The following MAB21L3 variants were observed in gnomAD, a reference collection of about 807,000 sequenced individuals.
MAB21L3 encodes the protein mab-21 like 3, also known as protein mab-21-like 3.
In MAB21L3, 36 loss-of-function variants were observed where a neutral mutation model predicts 37.7. That is an observed-to-expected ratio of 0.96 (90% CI 0.73 to 1.26). The LOEUF (loss-of-function observed/expected upper bound fraction) is 1.26, where lower values mean the gene tolerates loss of function less well. Ranked by LOEUF, MAB21L3 falls within the 50% of genes most tolerant of loss-of-function variation. The probability of loss-of-function intolerance (pLI) is 0.00; values close to 1 mark genes in which losing one functional copy is unlikely to be tolerated. For missense variants in MAB21L3, 430 were observed against 447.3 expected (o/e 0.96, Z 0.35); for synonymous variants, 186 against 176.8 (o/e 1.05, Z -0.41).
At chr1:116,124,531 A>G (rs1659842683) in intron 5 of MAB21L3, among the ~76,000 whole-genome samples, 174 bp downstream of exon 5, 1 of 152,190 alleles carries the variant, frequency 6.6e-6, no homozygotes, top group East Asian at 1.9e-4. Flanking sequence ...CCTGCTGTTG[A>G]TGCACAGAAG....
Position 116,112,453 on chromosome 1 carries a change from G to C in MAB21L3, c.-163G>C, listed in dbSNP as rs545282252. 1.2e-4 allele frequency: 59 copies of C among 509,482 alleles called. 1 individual carries two copies. In the Admixed American group the frequency reaches 1.8e-3, roughly 15 times the overall value. The allele number at this position is 509,482 out of a possible 1,614,324, so 31.6% of individuals were successfully genotyped here. A position where few individuals can be genotyped will look rare whatever the true frequency, so the allele number is the denominator to read the frequency against. On this transcript the variant is annotated 5_prime_UTR_variant, in exon 3 of 8. Transcript: ENST00000369500. ...TTTGGAAATAAAAACATGAGTGAAGGGTTCGGAAGGCAAGTCTCTGGTCCA... is the reference window on the plus strand; with the variant it reads ...TTTGGAAATAAAAACATGAGTGAAGCGTTCGGAAGGCAAGTCTCTGGTCCA...
chr1:116,126,704 T>G (rs1470642487), intron 5 of MAB21L3, among the ~76,000 whole-genome samples: 2 of 152,182 alleles, frequency 1.3e-5, no homozygotes, highest in Admixed American at 6.5e-5. Flanking sequence ...AAACCAACAT[T>G]TAGATATTTG....
intron 7 of MAB21L3, among the ~76,000 whole-genome samples, chr1:116,128,657 G>A (rs375855946): frequency 1.3e-5 from 2 of 152,066 alleles, no homozygotes; most frequent in East Asian, 3.9e-4. Flanking sequence ...CAACCTGAGT[G>A]CTCACTAGGT....
intron 4 of MAB21L3, among the ~76,000 whole-genome samples, chr1:116,121,470 C>T (rs1455979784): frequency 2.0e-5 from 3 of 152,206 alleles, no homozygotes; most frequent in Admixed American, 1.3e-4. Context: ...ATATCAGGCA[C>T]TAAAGCCAGA....
In MAB21L3 at chr1:116,133,552, TC is replaced by T; in HGVS notation, c.*190del. On this transcript the variant is annotated 3_prime_UTR_variant, in exon 8 of 8. Transcript: ENST00000369500. ...TGCCCCAGGATGTCTGGCCCAGGCC[TC>T]CCTGGAGCCCAGCAAGCATTTCTGC... 1 of 615,510 alleles carries T rather than the reference TC, an allele frequency of 1.6e-6. No individual in the cohort carries two copies. Among genetic ancestry groups the T allele is most frequent in the Non-Finnish European group, 2.9e-6 (1 of 350,772 alleles). 38.1% of individuals were successfully genotyped at this position (615,510 alleles called of 1,614,324 possible). A position where few individuals can be genotyped will look rare whatever the true frequency, so the allele number is the denominator to read the frequency against.
chr1:116,115,848 G>C (rs1014722239), intron 3 of MAB21L3, among the ~76,000 whole-genome samples: 2 of 152,210 alleles, frequency 1.3e-5, no homozygotes, highest in African/African-American at 4.8e-5. Flanking sequence ...AGCAGCCCAA[G>C]ATGGGACAAG....
intron 3 of MAB21L3, among the ~76,000 whole-genome samples, chr1:116,116,944 G>T (rs1402365033): frequency 6.6e-6 from 1 of 151,958 alleles, no homozygotes; most frequent in Non-Finnish European, 1.5e-5. Flanking sequence ...GTCCTGCTCG[G>T]TAAGAATTTC....
chr1:116,114,084 AT>A (rs1294950606), intron 3 of MAB21L3, among the ~76,000 whole-genome samples: 2 of 152,048 alleles, frequency 1.3e-5, no homozygotes, highest in African/African-American at 4.8e-5. Flanking sequence ...GCACAAAATG[AT>A]TTTGCCCACA....
chr1:116,126,744 G>A (rs535870013), intron 5 of MAB21L3, among the ~76,000 whole-genome samples: 136 of 152,288 alleles, frequency 8.9e-4, no homozygotes, highest in African/African-American at 1.7e-3. Flanking sequence ...TAGAAAAATA[G>A]TTAGGTTTCA....
chr1:116,115,334 A>T (rs1462615731), intron 3 of MAB21L3, among the ~76,000 whole-genome samples: 1 of 152,210 alleles, frequency 6.6e-6, no homozygotes, highest in Non-Finnish European at 1.5e-5. Context: ...TCTACAAAGG[A>T]AGGGATATGA....
At chr1:116,131,066 C>G (rs1178164855) in intron 7 of MAB21L3, among the ~76,000 whole-genome samples, 2 of 152,084 alleles carry the variant, frequency 1.3e-5, no homozygotes, top group Non-Finnish European at 2.9e-5. Context: ...TATTAACTTC[C>G]TCTCATGGGC....
chr1:116,128,010 C>A (rs1317259519), intron 6 of MAB21L3, 135 bp from the exon 7 acceptor site: 1 of 915,492 alleles, frequency 1.1e-6, no homozygotes, highest in Admixed American at 2.8e-5. Flanking sequence ...CCTGGCACCC[C>A]CTTCTCATCC....
At position 116,124,108 on chromosome 1, in the gene MAB21L3, G is replaced by A. The variant is rs1002672669; in HGVS notation, c.232G>A (p.Gly78Ser). The part of the protein sequence containing the change: ...SQFLVTVPIK[G>S]LAGYREAREQ... ...GTTCCTCGTCACAGTCCCAATAAAA[G>A]GCCTGGCCGGGTACAGGGAGGCCAG... The change falls in exon 5 of 8, where the codon GGC becomes AGC. Residue 78 changes from glycine (G) to serine (S), a missense_variant. Gly to Ser is a moderately conservative substitution (Grantham distance 56). Coordinates refer to ENST00000369500, the MANE Select transcript of MAB21L3 (RefSeq NM_152367.3). 1.2e-6 allele frequency: 2 copies of A among 1,612,962 alleles called. No homozygotes were observed. The highest frequency in any genetic ancestry group is 1.3e-5 in the African/African-American group (1 of 74,880).
chr1:116,128,062 A>G, intron 6 of MAB21L3, 83 bp from the exon 7 acceptor site: 3 of 1,433,880 alleles, frequency 2.1e-6, no homozygotes, highest in Non-Finnish European at 2.8e-6. Context: ...AGTTCCCCAG[A>G]CCAGCAGACT....
chr1:116,124,080 T>C lies in MAB21L3; in HGVS notation c.204T>C (p.Ser68=). ...CCTGACCCTAGGTTTTGGCTCCCAG[T>C]CAGTTCCTCGTCACAGTCCCAATAA... is the stretch of plus-strand genomic sequence containing the variant. ...YNENIKVLAP[S]QFLVTVPIKG... The change falls in exon 5 of 8, where the codon AGT becomes AGC. Residue 68 remains serine (S), a synonymous_variant. Coordinates refer to ENST00000369500, the MANE Select transcript of MAB21L3 (RefSeq NM_152367.3). 1 of 1,602,682 alleles carries C rather than the reference T, an allele frequency of 6.2e-7. No individual in the cohort carries two copies. The highest frequency in any genetic ancestry group is 8.5e-7 in the Non-Finnish European group (1 of 1,172,598).
Position 116,120,926 on chromosome 1 carries a change from ACC to A in MAB21L3, c.49-4_49-3del, listed in dbSNP as rs761622923. ...AACCACCATTGCTGGTCCCTCTCACACCCAGGTGGACTTGAGGCGCCAGCAGA... is the reference window on the plus strand; with the variant it reads ...AACCACCATTGCTGGTCCCTCTCACACAGGTGGACTTGAGGCGCCAGCAGA... On this transcript the variant is annotated splice_polypyrimidine_tract_variant and splice_region_variant and intron_variant, in intron 3 of 7. Transcript: ENST00000369500. 2.4e-5 allele frequency: 38 copies of A among 1,613,874 alleles called. No individual in the cohort carries two copies. In the Admixed American group the frequency reaches 2.8e-4, roughly 12 times the overall value.
intron 6 of MAB21L3, 97 bp from the exon 7 acceptor site, chr1:116,128,048 G>A: frequency 7.6e-7 from 1 of 1,320,034 alleles, no homozygotes; most frequent in South Asian, 1.4e-5. Context: ...TCTGCCTGGT[G>A]ACAAGTTCCC....
At chr1:116,126,831 G>A (rs1284295036) in intron 5 of MAB21L3, among the ~76,000 whole-genome samples, 3 of 152,278 alleles carry the variant, frequency 2.0e-5, no homozygotes, top group East Asian at 1.9e-4. Flanking sequence ...ACAAGGGTGC[G>A]AAAGTGATAC....
At chr1:116,124,985 A>G (rs55837467) in intron 5 of MAB21L3, among the ~76,000 whole-genome samples, 28,633 of 151,222 alleles carry the variant, frequency 0.19, 3,494 homozygotes, top group African/African-American at 0.35. Context: ...TTATAAATCA[A>G]TAAGAAAAAA....
Sources: allele counts gnomAD v4.1 joint callset (sites outside exome capture counted in the v4.1 genomes callset), GRCh38; gene constraint gnomAD v4.1.1; transcripts MANE v1.5; gene names NCBI Gene and HGNC (gene_info 2026-07-23, HGNC 2026-07-21).